Variants in CLSTN1 observed in about 807,000 individuals in gnomAD.
The protein encoded by CLSTN1 is calsyntenin 1.
Under a neutral mutation model 108.3 loss-of-function variants are expected in CLSTN1, and 28 were observed. The observed-to-expected ratio is 0.26, with a 90% CI of 0.19 to 0.35. The LOEUF is 0.35. Among genes scored for constraint, CLSTN1 ranks in the 10% least tolerant of loss-of-function variants. CLSTN1 has a pLI of 1.00. For missense variants in CLSTN1, 1,157 were observed against 1,302.6 expected (o/e 0.89, Z 1.72); for synonymous variants, 524 against 534.9 (o/e 0.98, Z 0.28).
intron 1 of CLSTN1, chr1:9,781,053 C>A: frequency 1.7e-6 from 1 of 577,064 alleles, no homozygotes; most frequent in East Asian, 2.9e-5. Flanking sequence ...TTAAGAGTAT[C>A]CAACCTGTAC....
chr1:9,765,855 C>T (rs1039414183), intron 2 of CLSTN1, among the ~76,000 whole-genome samples: 26 of 151,794 alleles, frequency 1.7e-4, no homozygotes, highest in African/African-American at 6.3e-4. Flanking sequence ...CCAGCCTGGG[C>T]GACACAGCGA....
chr1:9,768,331 G>A (rs1652457272), intron 2 of CLSTN1, among the ~76,000 whole-genome samples: 2 of 144,752 alleles, frequency 1.4e-5, no homozygotes, highest in South Asian at 2.2e-4. Flanking sequence ...TGGGGGCGGA[G>A]TTCTATGTTG....
intron 2 of CLSTN1, among the ~76,000 whole-genome samples, chr1:9,756,935 C>T (rs993415696): frequency 1.3e-5 from 2 of 151,910 alleles, no homozygotes; most frequent in Non-Finnish European, 2.9e-5. Flanking sequence ...CCCGCCACCA[C>T]GCCCGGATAA....
chr1:9,756,622 A>T (rs1651817834), intron 2 of CLSTN1, 112 bp from the exon 3 acceptor site: 9 of 828,786 alleles, frequency 1.1e-5, no homozygotes, highest in South Asian at 1.7e-5. Context: ...CACCAAGCTC[A>T]GCGACCGGCT....
intron 1 of CLSTN1, among the ~76,000 whole-genome samples, chr1:9,779,854 T>A (rs1653159552): frequency 6.6e-6 from 1 of 151,990 alleles, no homozygotes; most frequent in Non-Finnish European, 1.5e-5. Flanking sequence ...TCTTTCACTT[T>A]CTTTTTTTTT....
chr1:9,814,417 G>A (rs1654890891), intron 1 of CLSTN1, among the ~76,000 whole-genome samples: 1 of 151,934 alleles, frequency 6.6e-6, no homozygotes, highest in Non-Finnish European at 1.5e-5. Flanking sequence ...TATACTTTAA[G>A]TATGTAAACA....
Position 9,749,645 on chromosome 1 carries a change from T to C in CLSTN1, c.801A>G (p.Gly267=). 6.2e-7 allele frequency: 1 copy of C among 1,613,600 alleles called. No homozygotes were observed. The highest frequency in any genetic ancestry group is 8.5e-7 in the Non-Finnish European group (1 of 1,179,698). ...IKPTCTPGWQ[G]WNNRIEYEPG... ...GCTCATACTCAATCCTGTTGTTCCATCCTGTGTTGGTCCACAAGTCAGCAG... is the reference window on the plus strand; with the variant it reads ...GCTCATACTCAATCCTGTTGTTCCACCCTGTGTTGGTCCACAAGTCAGCAG... The change falls in exon 7 of 19, where the codon GGA becomes GGG. Residue 267 remains glycine, a splice_region_variant and synonymous_variant. Coordinates refer to ENST00000377298, the MANE Select transcript of CLSTN1 (RefSeq NM_001009566.3).
chr1:9,755,370 C>T, intron 3 of CLSTN1, 61 bp from the exon 4 acceptor site: 2 of 1,377,508 alleles, frequency 1.5e-6, no homozygotes, highest in Non-Finnish European at 2.0e-6. Flanking sequence ...GCACCTTGCC[C>T]TCCTCCCCCC....
chr1:9,790,285 GTTAT>G (rs1476245759), intron 1 of CLSTN1, among the ~76,000 whole-genome samples: 14 of 151,486 alleles, frequency 9.2e-5, no homozygotes, highest in African/African-American at 2.9e-4. Flanking sequence ...TTTCGTAGAT[GTTAT>G]TTATCAAATT....
At chr1:9,752,079 G>GA (rs1462611695) in intron 4 of CLSTN1, among the ~76,000 whole-genome samples, 1 of 150,976 alleles carries the variant, frequency 6.6e-6, no homozygotes, top group South Asian at 2.1e-4. Context: ...GCAAAATCCA[G>GA]AAAAAAAATA....
intron 2 of CLSTN1, among the ~76,000 whole-genome samples, chr1:9,767,113 T>C (rs962964395): frequency 6.6e-6 from 1 of 152,230 alleles, no homozygotes. Flanking sequence ...GTGACTGTGT[T>C]CCAGGCACTG....
chr1:9,817,074 G>C (rs946624874), intron 1 of CLSTN1, among the ~76,000 whole-genome samples: 26 of 152,214 alleles, frequency 1.7e-4, no homozygotes, highest in Non-Finnish European at 3.8e-4. Context: ...ATGGCTGAAA[G>C]ATGATTCTTC....
chr1:9,749,399 T>C, intron 7 of CLSTN1, 62 bp downstream of exon 7: 1 of 1,411,166 alleles, frequency 7.1e-7, no homozygotes, highest in Non-Finnish European at 9.7e-7. Context: ...TATTTCCAGT[T>C]GTAAAGGTCC....
intron 9 of CLSTN1, among the ~76,000 whole-genome samples, chr1:9,743,243 A>C (rs910727879): frequency 2.0e-5 from 3 of 152,130 alleles, no homozygotes; most frequent in Non-Finnish European, 4.4e-5. Flanking sequence ...TTTTCACAGG[A>C]TATTTGCTTT....
Position 9,823,683 on chromosome 1 carries a change from C to T in CLSTN1, c.51G>A (p.Leu17=), listed in dbSNP as rs919997492. ...PALAPAARLL[L]AGLLCGGGVW... ...CCCCGCCGCCGCACAGCAGCCCGGCCAGCAGCAGCCGGGCGGCCGGGGCCA... is the reference window on the plus strand; with the variant it reads ...CCCCGCCGCCGCACAGCAGCCCGGCTAGCAGCAGCCGGGCGGCCGGGGCCA... The change falls in exon 1 of 19, where the codon CTG becomes CTA. Residue 17 remains leucine, a synonymous_variant. Coordinates refer to ENST00000377298, the MANE Select transcript of CLSTN1 (RefSeq NM_001009566.3). The surrounding 1 kb of genome is among the most constrained non-coding windows in gnomAD (Gnocchi z 6.3). The T allele has an allele frequency of 2.6e-6, 3 of 1,164,836 alleles. No individual in the cohort carries two copies. In the African/African-American group the frequency reaches 4.9e-5, roughly 19 times the overall value. The allele number at this position is 1,164,836 out of a possible 1,614,324, so 72.2% of individuals were successfully genotyped here. A position where few individuals can be genotyped will look rare whatever the true frequency, so the allele number is the denominator to read the frequency against.
At chr1:9,761,576 A>G (rs1411941093) in intron 2 of CLSTN1, among the ~76,000 whole-genome samples, 2 of 152,258 alleles carry the variant, frequency 1.3e-5, no homozygotes, top group Non-Finnish European at 1.5e-5. Context: ...TGAACCCAAC[A>G]AAGTATGGAT....
Position 9,770,938 on chromosome 1 carries a change from A to C in CLSTN1, c.214+2334T>G, listed in dbSNP as rs148759881. 4.3e-3 allele frequency among the ~76,000 whole-genome samples: 660 copies of C among 152,304 alleles called. 12 individuals are homozygous for C. Among genetic ancestry groups the C allele is most frequent in the East Asian group, 0.043 (220 of 5,166 alleles). On this transcript the variant is annotated intron_variant, in intron 2 of 18. Transcript: ENST00000377298. ...AATCTGGGAGGCGGAGGTTGCAGTG[A>C]GCCGAAATTGCACCACTGGACTCCA...
chr1:9,757,976 T>C (rs1173335709), intron 2 of CLSTN1, among the ~76,000 whole-genome samples: 1 of 149,994 alleles, frequency 6.7e-6, no homozygotes, highest in Non-Finnish European at 1.5e-5. Flanking sequence ...TGGTATCACA[T>C]GGCATGCAGT....
intron 10 of CLSTN1, among the ~76,000 whole-genome samples, chr1:9,738,464 G>A (rs1650805522): frequency 6.6e-6 from 1 of 152,146 alleles, no homozygotes; most frequent in Admixed American, 6.5e-5. Flanking sequence ...AAGCCCATGT[G>A]AGCCACGGGC....
Sources: allele counts gnomAD v4.1 joint callset (sites outside exome capture counted in the v4.1 genomes callset), GRCh38; gene constraint gnomAD v4.1.1; non-coding constraint Gnocchi (gnomAD v3.1); transcripts MANE v1.5; gene names NCBI Gene and HGNC (gene_info 2026-07-23, HGNC 2026-07-21).